Variants in KCNC2 observed in about 807,000 individuals in gnomAD.
KCNC2 encodes the protein voltage-gated potassium channel KCNC2.
A neutral mutation model predicts 44.5 loss-of-function variants in KCNC2; 21 were observed. The observed-to-expected ratio is 0.47, with a 90% CI of 0.33 to 0.68. The LOEUF is 0.68. Ranked by LOEUF, KCNC2 falls within the 30% of genes least tolerant of loss-of-function variation. The pLI, the probability that KCNC2 is intolerant of heterozygous loss-of-function variation, is 0.01. For missense variants in KCNC2, 589 were observed against 826.2 expected (o/e 0.71, Z 3.52); for synonymous variants, 391 against 339.1 (o/e 1.15, Z -1.68).
At chr12:75,088,882 A>C (rs546477861) in intron 2 of KCNC2, among the ~76,000 whole-genome samples, 95 of 151,988 alleles carry the variant, frequency 6.3e-4, no homozygotes, top group Non-Finnish European at 1.1e-3. Flanking sequence ...ATAAAACAAC[A>C]GTGCTGAATC....
chr12:75,179,286 A>G lies in KCNC2; in HGVS notation c.687+28011T>C, dbSNP rs953223255. 2.6e-5 allele frequency among the ~76,000 whole-genome samples: 4 copies of G among 152,016 alleles called. 1 individual carries two copies. Among genetic ancestry groups the G allele is most frequent in the Admixed American group, 2.0e-4 (3 of 15,258 alleles). ...CGAAATTTTTTTTAACTGAAAATCA[A>G]TTGCACCTTGGAAAGAGACTATCAT... On this transcript the variant is annotated intron_variant, in intron 2 of 4. Transcript: ENST00000549446.
chr12:75,131,328 AC>A (rs1888829217), intron 2 of KCNC2, among the ~76,000 whole-genome samples: 1 of 152,166 alleles, frequency 6.6e-6, no homozygotes, highest in Non-Finnish European at 1.5e-5. Context: ...TTTATTCCTT[AC>A]ACTTAGCAAA....
intron 2 of KCNC2, among the ~76,000 whole-genome samples, chr12:75,100,751 AT>A (rs1886310329): frequency 6.6e-6 from 1 of 152,044 alleles, no homozygotes. Context: ...ATATGTTATG[AT>A]TTATGATGTT....
At chr12:75,121,796 G>A (rs1888063518) in intron 2 of KCNC2, among the ~76,000 whole-genome samples, 2 of 152,180 alleles carry the variant, frequency 1.3e-5, no homozygotes, top group South Asian at 2.1e-4. Flanking sequence ...TCAGAGCAAA[G>A]TTCTCCATTC....
At chr12:75,136,745 T>C (rs375310341) in intron 2 of KCNC2, among the ~76,000 whole-genome samples, 6 of 152,102 alleles carry the variant, frequency 3.9e-5, no homozygotes, top group African/African-American at 1.4e-4. Flanking sequence ...TTCTACCAGA[T>C]GTACAAAGAA....
At chr12:75,104,344 G>C (rs1273506279) in intron 2 of KCNC2, among the ~76,000 whole-genome samples, 2 of 152,162 alleles carry the variant, frequency 1.3e-5, no homozygotes, top group Non-Finnish European at 1.5e-5. Context: ...ATGTCACTCA[G>C]AACGGTACAC....
intron 2 of KCNC2, among the ~76,000 whole-genome samples, chr12:75,156,392 T>C (rs1053084558): frequency 1.3e-5 from 2 of 151,818 alleles, no homozygotes; most frequent in Non-Finnish European, 2.9e-5. Flanking sequence ...AATAAAGTTT[T>C]ATTGGTTTGC....
At chr12:75,100,986 A>G (rs1170841791) in intron 2 of KCNC2, among the ~76,000 whole-genome samples, 1 of 152,086 alleles carries the variant, frequency 6.6e-6, no homozygotes, top group African/African-American at 2.4e-5. Context: ...AAGGTGAGAC[A>G]TGTCCTCATA....
chr12:75,070,250 G>C (rs907613626), intron 2 of KCNC2, among the ~76,000 whole-genome samples: 1 of 152,060 alleles, frequency 6.6e-6, no homozygotes, highest in South Asian at 2.1e-4. Context: ...AGGAGTTCAA[G>C]ACCAGTCTGG....
At chr12:75,046,093 A>G (rs968452556) in intron 4 of KCNC2, among the ~76,000 whole-genome samples, 32 of 151,808 alleles carry the variant, frequency 2.1e-4, no homozygotes, top group African/African-American at 7.7e-4. Context: ...AGCCAGAAGT[A>G]CTATCATGCT....
chr12:75,197,865 A>C lies in KCNC2; in HGVS notation c.687+9432T>G, dbSNP rs138501429. Among the ~76,000 whole-genome samples, 397 of 152,076 alleles carry C rather than the reference A, an allele frequency of 2.6e-3. 1 individual carries two copies. The highest frequency in any genetic ancestry group is 9.0e-3 in the African/African-American group (374 of 41,532). ...CAAGTACTCTGACAACTGCACTTAC[A>C]TCTAAAAAACAAACATTACTAAGAA... On this transcript the variant is annotated intron_variant, in intron 2 of 4. Coordinates refer to ENST00000549446, the MANE Select transcript of KCNC2 (RefSeq NM_139137.4).
intron 2 of KCNC2, among the ~76,000 whole-genome samples, chr12:75,098,392 C>T (rs78646953): frequency 0.014 from 2,147 of 152,216 alleles, 45 homozygotes; most frequent in African/African-American, 0.049. Flanking sequence ...GCAGAAAAGC[C>T]TTTCAAACAT....
chr12:75,050,014 G>A (rs994562549), intron 3 of KCNC2, among the ~76,000 whole-genome samples: 4 of 151,960 alleles, frequency 2.6e-5, no homozygotes, highest in African/African-American at 7.2e-5. Flanking sequence ...CAAGCCAAAC[G>A]ATATGGAGAT....
chr12:75,052,568 G>A (rs1881293133), intron 2 of KCNC2, among the ~76,000 whole-genome samples: 2 of 152,200 alleles, frequency 1.3e-5, no homozygotes, highest in South Asian at 4.1e-4. Context: ...AAACAAAAGA[G>A]TCATTCAGGA....
chr12:75,164,303 T>C (rs1234010650), intron 2 of KCNC2, among the ~76,000 whole-genome samples: 1 of 151,658 alleles, frequency 6.6e-6, no homozygotes, highest in South Asian at 2.1e-4. Flanking sequence ...TAACCTAAAA[T>C]TGAATTTGAT....
At chr12:75,171,757 G>A (rs1408316974) in intron 2 of KCNC2, among the ~76,000 whole-genome samples, 1 of 151,774 alleles carries the variant, frequency 6.6e-6, no homozygotes, top group African/African-American at 2.4e-5. Context: ...AGCTAGAAGA[G>A]AAGATTTAGA....
rs372146642 is a variant in KCNC2, at chr12:75,166,311, GC to G, written c.687+40985del. On this transcript the variant is annotated intron_variant, in intron 2 of 4. Transcript: ENST00000549446. ...TGAACCTGAACCCCAGAATACAGAA[GC>G]AAAAACTGACAGAATTAAAGGAAGA... 4.2e-4 allele frequency among the ~76,000 whole-genome samples: 64 copies of G among 150,824 alleles called. No individual in the cohort carries two copies. In the East Asian group the frequency reaches 0.012, roughly 28 times the overall value.
In KCNC2 at chr12:75,119,988, A is replaced by G. The variant is rs143818413; in HGVS notation, c.688-68671T>C. Reference sequence around the variant, plus strand: ...AAATCCGGCAAAATGTGAATCAAAGAGTTATCATGCTCTGCATAAAGCTTT... The same window carrying G: ...AAATCCGGCAAAATGTGAATCAAAGGGTTATCATGCTCTGCATAAAGCTTT... On this transcript the variant is annotated intron_variant, in intron 2 of 4. Transcript: ENST00000549446. 7.1e-3 allele frequency among the ~76,000 whole-genome samples: 1,086 copies of G among 152,328 alleles called. 6 individuals carry two copies. The highest frequency in any genetic ancestry group is 0.034 in the Middle Eastern group (10 of 294).
chr12:75,164,081 C>T (rs942428470), intron 2 of KCNC2, among the ~76,000 whole-genome samples: 6 of 151,696 alleles, frequency 4.0e-5, no homozygotes, highest in Non-Finnish European at 8.9e-5. Context: ...TTAATAAATA[C>T]ATGACTTAAG....
Sources: allele counts gnomAD v4.1 joint callset (sites outside exome capture counted in the v4.1 genomes callset), GRCh38; gene constraint gnomAD v4.1.1; transcripts MANE v1.5; gene names NCBI Gene and HGNC (gene_info 2026-07-23, HGNC 2026-07-21).